CDYL: variants seen among roughly 807,000 people sequenced by gnomAD.
The protein encoded by CDYL is chromodomain Y-like protein.
In CDYL, 8 loss-of-function variants were observed where a neutral mutation model predicts 47.3. The ratio of observed to expected loss-of-function variants is 0.17; its 90% CI spans 0.10 to 0.31. CDYL has a LOEUF of 0.31. Among genes scored for constraint, CDYL ranks in the 10% least tolerant of loss-of-function variants. CDYL has a pLI of 1.00. For missense variants in CDYL, 471 were observed against 701.4 expected, an observed-to-expected ratio of 0.67 and a Z score of 3.71; for synonymous variants, 266 against 265.0, an observed-to-expected ratio of 1.00 and a Z score of -0.04.
intron 1 of CDYL, among the ~76,000 whole-genome samples, chr6:4,885,946 G>T (rs1211324355): frequency 6.6e-6 from 1 of 152,118 alleles, no homozygotes; most frequent in Non-Finnish European, 1.5e-5. Context: ...GCAGCCACTA[G>T]TCTATTTTCT....
chr6:4,825,746 T>G (rs1002799999), intron 1 of CDYL, among the ~76,000 whole-genome samples: 1 of 152,116 alleles, frequency 6.6e-6, no homozygotes, highest in Admixed American at 6.5e-5. Flanking sequence ...CAATCCTCAT[T>G]ATTCATGGAT....
intron 4 of CDYL, among the ~76,000 whole-genome samples, chr6:4,942,940 G>A (rs981685485): frequency 3.9e-5 from 6 of 152,184 alleles, no homozygotes; most frequent in Non-Finnish European, 7.3e-5. Flanking sequence ...GAGCCAGCCT[G>A]TGACACTCTT....
chr6:4,723,765 C>T (rs113580297), intron 2 of CDYL, among the ~76,000 whole-genome samples: 118 of 152,272 alleles, frequency 7.7e-4, no homozygotes, highest in Non-Finnish European at 1.6e-3. Context: ...TAAGCCTGGC[C>T]CCTGCTCTTG....
chr6:4,858,170 T>C (rs1221911072), intron 1 of CDYL, among the ~76,000 whole-genome samples: 1 of 152,206 alleles, frequency 6.6e-6, no homozygotes, highest in East Asian at 1.9e-4. Context: ...TCTTAAAATA[T>C]ACTTCTTGTC....
intron 5 of CDYL, among the ~76,000 whole-genome samples, chr6:4,945,520 C>A (rs1758486376): frequency 1.3e-5 from 2 of 152,192 alleles, no homozygotes; most frequent in South Asian, 4.1e-4. Flanking sequence ...CACTCACCCC[C>A]AAGGGATCTG....
intron 2 of CDYL, among the ~76,000 whole-genome samples, chr6:4,727,836 C>A (rs2127412928): frequency 6.6e-6 from 1 of 152,156 alleles, no homozygotes; most frequent in South Asian, 2.1e-4. Flanking sequence ...CTGGTGGTGA[C>A]ATGGTGACAA....
At chr6:4,815,973 T>G (rs1372654110) in intron 1 of CDYL, among the ~76,000 whole-genome samples, 5 of 14,226 alleles carry the variant, frequency 3.5e-4, no homozygotes, top group Non-Finnish European at 6.6e-4. Context: ...TTTTTATAGG[T>G]TTTTTTTTTT....
intron 1 of CDYL, among the ~76,000 whole-genome samples, chr6:4,812,824 T>C (rs1161662974): frequency 6.6e-6 from 1 of 152,172 alleles, no homozygotes; most frequent in African/African-American, 2.4e-5. Context: ...TCTCTGAACA[T>C]GGTATTTCTC....
chr6:4,864,975 G>C (rs1316047660), intron 1 of CDYL, among the ~76,000 whole-genome samples: 1 of 152,184 alleles, frequency 6.6e-6, no homozygotes, highest in Admixed American at 6.5e-5. Flanking sequence ...TCTCTTCAAA[G>C]AATCAGTATG....
At chr6:4,842,961 T>C (rs1760546093) in intron 1 of CDYL, among the ~76,000 whole-genome samples, 1 of 152,240 alleles carries the variant, frequency 6.6e-6, no homozygotes. Flanking sequence ...TGTTTCAAGA[T>C]TTATATCTCC....
At chr6:4,910,141 G>A (rs553330667) in intron 2 of CDYL, among the ~76,000 whole-genome samples, 2 of 151,748 alleles carry the variant, frequency 1.3e-5, no homozygotes, top group South Asian at 2.1e-4. Context: ...AAAACATAGC[G>A]CTCAGCCACA....
At position 4,740,097 on chromosome 6, in the gene CDYL, G is replaced by A. The variant is rs184013448; in HGVS notation, c.186+5253G>A. 8.7e-4 allele frequency among the ~76,000 whole-genome samples: 133 copies of A among 152,282 alleles called. 1 individual carries two copies. In the South Asian group the frequency reaches 0.016, roughly 19 times the overall value. On this transcript the variant is annotated intron_variant, in intron 3 of 8. Coordinates refer to the CDYL transcript ENST00000328908. Reference sequence around the variant, plus strand: ...AAAAAAGCAGTACATGTGAAATTACGAAGGAGAGTGTCTGACTTTTATTAG... The same window carrying A: ...AAAAAAGCAGTACATGTGAAATTACAAAGGAGAGTGTCTGACTTTTATTAG...
At chr6:4,869,839 TAAAG>T (rs901002158) in intron 1 of CDYL, among the ~76,000 whole-genome samples, 4 of 152,196 alleles carry the variant, frequency 2.6e-5, no homozygotes, top group Non-Finnish European at 5.9e-5. Context: ...GTCATTTAAA[TAAAG>T]AGAAGAAGCA....
At chr6:4,753,967 T>C (rs904574508) in intron 3 of CDYL, among the ~76,000 whole-genome samples, 4 of 152,194 alleles carry the variant, frequency 2.6e-5, no homozygotes, top group African/African-American at 9.7e-5. Flanking sequence ...GTTTTATCTA[T>C]GTAGTTGCCT....
intron 2 of CDYL, among the ~76,000 whole-genome samples, chr6:4,900,384 A>G (rs759444639): frequency 3.9e-5 from 6 of 152,118 alleles, no homozygotes; most frequent in African/African-American, 7.2e-5. Context: ...AGATTCACCA[A>G]TTGTTTACAT....
In CDYL at chr6:4,892,168, C is replaced by A; in HGVS notation, c.480C>A (p.Ser160Arg). ...GGACCGCAGTGGACGGCTTTCAGAG[C>A]GAGAGCCCTGAGAAACTGGACCCCG... The part of the protein sequence containing the change: ...KSRTAVDGFQ[S>R]ESPEKLDPVE... The change falls in exon 2 of 7, where the codon AGC becomes AGA. Residue 160 changes from serine to arginine, a missense_variant. Around this residue, in one of 3 missense-constraint regions of CDYL, gnomAD observed 311 missense variants for 350.0 expected, o/e 0.89. Transcript: ENST00000397588. 6.2e-7 allele frequency: 1 copy of A among 1,614,168 alleles called. No individual in the cohort carries two copies. Among genetic ancestry groups the A allele is most frequent in the Non-Finnish European group, 8.5e-7 (1 of 1,180,030 alleles).
intron 1 of CDYL, among the ~76,000 whole-genome samples, chr6:4,851,244 C>G (rs563143338): frequency 6.6e-6 from 1 of 152,146 alleles, no homozygotes; most frequent in African/African-American, 2.4e-5. Context: ...GTAAAATGGA[C>G]GTAACAGCAG....
At chr6:4,757,893 T>G (rs543330937) in intron 3 of CDYL, among the ~76,000 whole-genome samples, 92 of 151,900 alleles carry the variant, frequency 6.1e-4, no homozygotes, top group African/African-American at 2.2e-3. Flanking sequence ...GTAAATAAAC[T>G]TATTAAAATC....
chr6:4,708,793 T>C (rs1042515889), intron 1 of CDYL, among the ~76,000 whole-genome samples: 1 of 152,004 alleles, frequency 6.6e-6, no homozygotes, highest in Admixed American at 6.6e-5. Flanking sequence ...CCAAGATGGG[T>C]GGATCACCTG....
Sources: allele counts gnomAD v4.1 joint callset (sites outside exome capture counted in the v4.1 genomes callset), GRCh38; gene constraint gnomAD v4.1.1; regional missense constraint gnomAD v4.1.1; transcripts MANE v1.5; gene names NCBI Gene and HGNC (gene_info 2026-07-23, HGNC 2026-07-21).